CAMLG: variants seen among roughly 807,000 people sequenced by gnomAD.
CAMLG encodes the protein guided entry of tail-anchored proteins factor CAMLG.
In CAMLG, 23 loss-of-function variants were observed where a neutral mutation model predicts 28.9. That is an observed-to-expected ratio of 0.80 (90% confidence interval 0.57 to 1.13). The LOEUF is 1.13. Among genes scored for constraint, CAMLG ranks in the 50% most tolerant of loss-of-function variants. CAMLG has a pLI of 0.00. For synonymous variants in CAMLG, 141 were observed against 146.5 expected, an observed-to-expected ratio of 0.96 and a Z score of 0.27; for missense variants, 367 against 371.9, an observed-to-expected ratio of 0.99 and a Z score of 0.11.
At chr5:134,740,962 C>A in intron 1 of CAMLG, 101 bp from the exon 2 acceptor site, 2 of 741,880 alleles carry the variant, frequency 2.7e-6, no homozygotes, top group Non-Finnish European at 4.4e-6. Flanking sequence ...GATGCAGAGG[C>A]TGCTGAGTTC....
At chr5:134,743,057 T>C (rs1753003100) in intron 2 of CAMLG, among the ~76,000 whole-genome samples, 1 of 152,100 alleles carries the variant, frequency 6.6e-6, no homozygotes, top group African/African-American at 2.4e-5. Flanking sequence ...GTTTTGTTGT[T>C]GTTGTTGTTT....
In CAMLG at chr5:134,750,780, A is replaced by G; in HGVS notation, c.721A>G (p.Thr241Ala). The G allele has an allele frequency of 6.2e-7, 1 of 1,613,180 alleles. No homozygotes were observed. The highest frequency in any genetic ancestry group is 8.5e-7 in the Non-Finnish European group (1 of 1,179,360). The change falls in exon 4 of 4, where the codon ACA (threonine) becomes GCA (alanine). Residue 241 changes from threonine (T) to alanine (A), a missense_variant. By Grantham distance (58) the Thr-to-Ala change is moderately conservative. Coordinates refer to ENST00000297156, the MANE Select transcript of CAMLG (RefSeq NM_001745.4). ...FPKSEKKIKT[T>A]VLTAALLLSG... ...ACAGAGTGAAAAGAAGATAAAGACA[A>G]CAGTACTAACAGCTGCACTTCTATT...
intron 3 of CAMLG, 24 bp downstream of exon 3, chr5:134,744,076 T>G (rs1225649281): frequency 9.7e-7 from 1 of 1,031,892 alleles, no homozygotes; most frequent in Non-Finnish European, 1.5e-6. Flanking sequence ...TTTTCTAAAT[T>G]TCGATGATGT....
At chr5:134,742,916 T>C (rs990149017) in intron 2 of CAMLG, among the ~76,000 whole-genome samples, 3 of 152,126 alleles carry the variant, frequency 2.0e-5, no homozygotes, top group Admixed American at 6.6e-5. Flanking sequence ...TTTTTTGTAT[T>C]TTTAGTAGAG....
At chr5:134,749,550 G>A (rs1753089060) in intron 3 of CAMLG, among the ~76,000 whole-genome samples, 1 of 152,166 alleles carries the variant, frequency 6.6e-6, no homozygotes, top group African/African-American at 2.4e-5. Flanking sequence ...GTGTAATCAA[G>A]TGTGGATTCC....
chr5:134,744,463 G>A (rs752599857), intron 3 of CAMLG, among the ~76,000 whole-genome samples: 6 of 149,724 alleles, frequency 4.0e-5, no homozygotes, highest in Non-Finnish European at 7.4e-5. Context: ...GGCAGAGGTT[G>A]CAGTGAGCCA....
intron 3 of CAMLG, among the ~76,000 whole-genome samples, chr5:134,747,324 A>C (rs1753060950): frequency 6.6e-6 from 1 of 151,840 alleles, no homozygotes; most frequent in African/African-American, 2.4e-5. Context: ...CATAACACTG[A>C]CTTACAATTT....
chr5:134,751,343 G>T lies in CAMLG; in HGVS notation c.*393G>T, dbSNP rs573224416. 6.4e-6 allele frequency: 1 copy of T among 157,430 alleles called. No homozygotes were observed. Among genetic ancestry groups the T allele is most frequent in the African/African-American group, 2.4e-5 (1 of 41,726 alleles). 9.8% of individuals were successfully genotyped at this position (157,430 alleles called of 1,614,324 possible). A position where few individuals can be genotyped will look rare whatever the true frequency, so the allele number is the denominator to read the frequency against. ...TTTGTGTCATTCTGTCCTGAGAAATGAAGTCATCTGAAAAATAAAATGAAA... is the reference window on the plus strand; with the variant it reads ...TTTGTGTCATTCTGTCCTGAGAAATTAAGTCATCTGAAAAATAAAATGAAA... On this transcript the variant is annotated 3_prime_UTR_variant, in exon 4 of 4. Transcript: ENST00000297156.
At chr5:134,740,014 C>T (rs1347977644) in intron 1 of CAMLG, among the ~76,000 whole-genome samples, 1 of 151,936 alleles carries the variant, frequency 6.6e-6, no homozygotes, top group Non-Finnish European at 1.5e-5. Context: ...TAGCTAGGAC[C>T]ACAGGTGTAC....
At chr5:134,744,165 CAAA>C in intron 3 of CAMLG, 113 bp downstream of exon 3, 1 of 594,436 alleles carries the variant, frequency 1.7e-6, no homozygotes, top group Non-Finnish European at 3.0e-6. Context: ...CAGTGCTACT[CAAA>C]GTGTGGTTTG....
At chr5:134,744,115 G>A (rs1313836927) in intron 3 of CAMLG, 63 bp downstream of exon 3, 5 of 758,942 alleles carry the variant, frequency 6.6e-6, no homozygotes, top group South Asian at 6.2e-5. Context: ...CTAGCTAATT[G>A]AAGGAACTTA....
At chr5:134,739,186 T>C (rs1752954563) in intron 1 of CAMLG, among the ~76,000 whole-genome samples, 1 of 152,190 alleles carries the variant, frequency 6.6e-6, no homozygotes, top group South Asian at 2.1e-4. Flanking sequence ...TCCAAGTGCT[T>C]TTCCTTACAG....
chr5:134,746,233 GAAAA>G (rs964104438), intron 3 of CAMLG, among the ~76,000 whole-genome samples: 8 of 139,554 alleles, frequency 5.7e-5, no homozygotes, highest in Non-Finnish European at 7.8e-5. Flanking sequence ...AATATTAAGA[GAAAA>G]AAAAACAAAA....
intron 3 of CAMLG, among the ~76,000 whole-genome samples, chr5:134,748,294 C>G (rs1211118392): frequency 1.3e-5 from 2 of 151,694 alleles, no homozygotes; most frequent in African/African-American, 2.4e-5. Flanking sequence ...CACCTGTAAT[C>G]CCAGCACTTT....
intron 1 of CAMLG, among the ~76,000 whole-genome samples, chr5:134,740,432 A>G (rs1677297606): frequency 6.6e-6 from 1 of 152,148 alleles, no homozygotes; most frequent in South Asian, 2.1e-4. Flanking sequence ...TCTGGGATAT[A>G]TTATCCATAA....
At chr5:134,743,638 T>C (rs111719596) in intron 2 of CAMLG, among the ~76,000 whole-genome samples, 106 of 150,552 alleles carry the variant, frequency 7.0e-4, no homozygotes, top group African/African-American at 2.4e-3. Context: ...GAGGCCGAGG[T>C]GGGTGGATCA....
intron 3 of CAMLG, among the ~76,000 whole-genome samples, chr5:134,746,232 A>AG (rs1302304563): frequency 6.8e-6 from 1 of 147,936 alleles, no homozygotes; most frequent in Non-Finnish European, 1.5e-5. Context: ...AAATATTAAG[A>AG]GAAAAAAAAA....
chr5:134,746,300 T>C (rs1172209687), intron 3 of CAMLG, among the ~76,000 whole-genome samples: 1 of 151,504 alleles, frequency 6.6e-6, no homozygotes, highest in Non-Finnish European at 1.5e-5. Flanking sequence ...AAAGAAAAAA[T>C]AATGTATTAT....
chr5:134,738,939 C>G, intron 1 of CAMLG, 147 bp downstream of exon 1: 3 of 783,030 alleles, frequency 3.8e-6, no homozygotes, highest in Non-Finnish European at 6.2e-6. Context: ...CGGTGATATC[C>G]CAAGTTCTCA....
Sources: allele counts gnomAD v4.1 joint callset (sites outside exome capture counted in the v4.1 genomes callset), GRCh38; gene constraint gnomAD v4.1.1; transcripts MANE v1.5; gene names NCBI Gene and HGNC (gene_info 2026-07-23, HGNC 2026-07-21).